The following RUNX1 variants were observed in gnomAD, a reference collection of about 807,000 sequenced individuals.
RUNX1 encodes the protein RUNX family transcription factor 1.
RUNX1 carries 19 observed loss-of-function variants against 42.8 expected under a neutral mutation model. The ratio of observed to expected loss-of-function variants is 0.44; its 90% CI spans 0.31 to 0.65. The LOEUF (loss-of-function observed/expected upper bound fraction) is 0.65, where lower values mean the gene tolerates loss of function less well. RUNX1 is among the 30% of genes least tolerant of loss of function. RUNX1 has a pLI of 0.07. For synonymous variants in RUNX1, 271 were observed against 289.4 expected (o/e 0.94, Z 0.64); for missense variants, 528 against 672.0 (o/e 0.79, Z 2.37).
chr21:34,916,969 C>G (rs961251266), intron 2 of RUNX1, among the ~76,000 whole-genome samples: 1 of 152,028 alleles, frequency 6.6e-6, no homozygotes, highest in Non-Finnish European at 1.5e-5. Context: ...CCAAGAACAC[C>G]CAGCCAGCAA....
intron 2 of RUNX1, among the ~76,000 whole-genome samples, chr21:34,990,989 CACAGG>C (rs1289109844): frequency 6.6e-6 from 1 of 152,174 alleles, no homozygotes; most frequent in Non-Finnish European, 1.5e-5. Context: ...AGGAGAATGC[CACAGG>C]TCACTCACTT....
chr21:34,890,902 C>A (rs912264222), intron 3 of RUNX1, among the ~76,000 whole-genome samples: 2 of 152,096 alleles, frequency 1.3e-5, no homozygotes, highest in East Asian at 3.9e-4. Context: ...CAATGCATTT[C>A]CCCGAGATCC....
intron 5 of RUNX1, among the ~76,000 whole-genome samples, chr21:34,861,962 C>T (rs1416588216): frequency 6.6e-6 from 1 of 151,802 alleles, no homozygotes; most frequent in Non-Finnish European, 1.5e-5. Context: ...CCCATGTAGC[C>T]CTCACAGAAA....
intron 2 of RUNX1, among the ~76,000 whole-genome samples, chr21:34,961,093 T>C (rs2058678852): frequency 6.6e-6 from 1 of 152,158 alleles, no homozygotes; most frequent in Non-Finnish European, 1.5e-5. Flanking sequence ...AGGACATTCA[T>C]GGCTGGGCGT....
intron 2 of RUNX1, among the ~76,000 whole-genome samples, chr21:34,914,238 T>C (rs2058294652): frequency 6.6e-6 from 1 of 152,160 alleles, no homozygotes; most frequent in Non-Finnish European, 1.5e-5. Context: ...TGACATTCCA[T>C]GATAGAAGAA....
chr21:34,916,028 T>G (rs1446779931), intron 2 of RUNX1, among the ~76,000 whole-genome samples: 1 of 152,150 alleles, frequency 6.6e-6, no homozygotes, highest in Non-Finnish European at 1.5e-5. Context: ...GAAGAGTTTT[T>G]TGTGTGTGTG....
At chr21:34,868,722 A>C (rs1407539253) in intron 5 of RUNX1, among the ~76,000 whole-genome samples, 1 of 152,202 alleles carries the variant, frequency 6.6e-6, no homozygotes, top group Non-Finnish European at 1.5e-5. Flanking sequence ...TCTACTCACA[A>C]CAGGGATGGC....
chr21:34,988,221 G>T (rs989499575), intron 2 of RUNX1, among the ~76,000 whole-genome samples: 2 of 152,176 alleles, frequency 1.3e-5, no homozygotes, highest in Non-Finnish European at 2.9e-5. Flanking sequence ...CCAGCTCCTG[G>T]TGCCCCTGGG....
chr21:34,998,602 C>A (rs1399878841), intron 2 of RUNX1, among the ~76,000 whole-genome samples: 1 of 151,970 alleles, frequency 6.6e-6, no homozygotes, highest in Non-Finnish European at 1.5e-5. Flanking sequence ...AGTGTAGTGG[C>A]CCAGTCTCGG....
At chr21:34,878,584 G>T (rs1045045656) in intron 5 of RUNX1, among the ~76,000 whole-genome samples, 2 of 152,020 alleles carry the variant, frequency 1.3e-5, no homozygotes, top group African/African-American at 4.8e-5. Flanking sequence ...CCCAGCCTTG[G>T]TTGCAGCTAT....
intron 5 of RUNX1, among the ~76,000 whole-genome samples, chr21:34,868,593 C>A (rs2057695528): frequency 6.6e-6 from 1 of 152,216 alleles, no homozygotes; most frequent in Admixed American, 6.5e-5. Flanking sequence ...CCGGGTTAGT[C>A]TCCTTGTCAC....
At position 34,975,874 on chromosome 21, in the gene RUNX1, T is replaced by A. The variant is rs577339256; in HGVS notation, c.58+72968A>T. On this transcript the variant is annotated intron_variant, in intron 2 of 8. Coordinates refer to ENST00000675419, the MANE Select transcript of RUNX1 (RefSeq NM_001754.5). ...GAAGAGAGAGGATTATTTGTTGAAGTGAAGAGTTTATAAAGGAGAGTTAAG... is the reference window on the plus strand; with the variant it reads ...GAAGAGAGAGGATTATTTGTTGAAGAGAAGAGTTTATAAAGGAGAGTTAAG... 2.6e-5 allele frequency among the ~76,000 whole-genome samples: 4 copies of A among 151,940 alleles called. No individual in the cohort carries two copies. The East Asian group carries it at 7.7e-4, about 29-fold the overall frequency.
chr21:34,898,938 G>T (rs779341068), intron 2 of RUNX1, among the ~76,000 whole-genome samples: 11 of 152,072 alleles, frequency 7.2e-5, no homozygotes, highest in Admixed American at 3.9e-4. Context: ...TTTTTAGACA[G>T]AGTCTCACTC....
intron 7 of RUNX1, among the ~76,000 whole-genome samples, chr21:34,831,411 C>A (rs138281032): frequency 2.6e-5 from 4 of 152,294 alleles, no homozygotes; most frequent in African/African-American, 9.6e-5. Flanking sequence ...GACCCTCCAG[C>A]ACATGTGATT....
At chr21:34,954,794 G>A (rs115835520) in intron 2 of RUNX1, among the ~76,000 whole-genome samples, 1,563 of 152,288 alleles carry the variant, frequency 0.01, 25 homozygotes, top group African/African-American at 0.036. Context: ...TCTCGCAGAG[G>A]AGAAGTTTTC....
At chr21:34,969,871 T>C (rs2058749556) in intron 2 of RUNX1, among the ~76,000 whole-genome samples, 2 of 152,214 alleles carry the variant, frequency 1.3e-5, no homozygotes, top group Middle Eastern at 3.2e-3. Context: ...TCACGCTTAC[T>C]TTGCAAAATT....
chr21:34,857,648 C>T (rs1236534985), intron 6 of RUNX1, among the ~76,000 whole-genome samples: 4 of 152,194 alleles, frequency 2.6e-5, no homozygotes, highest in Non-Finnish European at 5.9e-5. Flanking sequence ...TTTAGTCACC[C>T]TCAAAGTCGA....
intron 6 of RUNX1, among the ~76,000 whole-genome samples, chr21:34,855,023 C>T (rs1419821690): frequency 1.3e-5 from 2 of 152,142 alleles, no homozygotes; most frequent in African/African-American, 4.8e-5. Flanking sequence ...GTGAAAGACT[C>T]CTTTAACCTG....
rs772422281 is a variant in RUNX1 at position 34,886,996 on chromosome 21, G to C, written c.198C>G (p.Ala66=). 1.2e-6 allele frequency: 2 copies of C among 1,604,828 alleles called. No individual in the cohort carries two copies. Residue 66 remains alanine (A), a synonymous_variant, in exon 4 of 9, where the codon GCC becomes GCG. Coordinates refer to ENST00000675419, the MANE Select transcript of RUNX1 (RefSeq NM_001754.5). ...CGCCGCTCCTCAGCTTGCCGGCCAG[G>C]GCAGCGCCGGCGTCCGGGGCGCCCA... ...LPLGAPDAGA[A]LAGKLRSGDR...
Sources: gnomAD v4.1 joint callset for allele counts (sites outside exome capture counted in the v4.1 genomes callset) on GRCh38, gnomAD v4.1.1 for gene constraint, MANE v1.5 for transcripts, NCBI Gene and HGNC (gene_info 2026-07-23, HGNC 2026-07-21) for gene names.